Variants in CEP15 observed in about 807,000 individuals in gnomAD.
The protein encoded by CEP15 is centrosomal protein 15 kDa.
the CEP15 span, among the ~76,000 whole-genome samples, chr3:62,331,116 C>G: frequency 6.6e-6 from 1 of 151,990 alleles, no homozygotes; most frequent in Non-Finnish European, 1.5e-5. Context: ...CCTCCCCCAC[C>G]CCTATCAAAA....
chr3:62,321,897 T>C, the CEP15 span: 4 of 1,515,052 alleles, frequency 2.6e-6, no homozygotes, highest in Non-Finnish European at 3.6e-6. This position sits in a 1 kb window ranked among gnomAD's most constrained non-coding sequence, Gnocchi z 4.1. Flanking sequence ...CTTTTACTTT[T>C]TTAACTCTAT....
At chr3:62,327,317 C>T in the CEP15 span, among the ~76,000 whole-genome samples, 1 of 152,194 alleles carries the variant, frequency 6.6e-6, no homozygotes, top group Admixed American at 6.5e-5. Flanking sequence ...AAATTAATAA[C>T]ATTTTAATGA....
the CEP15 span, among the ~76,000 whole-genome samples, chr3:62,329,739 T>C: frequency 5.6e-4 from 86 of 152,304 alleles, no homozygotes; most frequent in African/African-American, 1.7e-3. Flanking sequence ...TATTTTCTGG[T>C]CTTCAAGAAA....
At chr3:62,327,016 T>C in the CEP15 span, among the ~76,000 whole-genome samples, 1 of 152,194 alleles carries the variant, frequency 6.6e-6, no homozygotes, top group Non-Finnish European at 1.5e-5. Context: ...TGGATTAGAC[T>C]CCAAATAAAA....
At chr3:62,324,431 T>G in the CEP15 span, among the ~76,000 whole-genome samples, 1 of 152,114 alleles carries the variant, frequency 6.6e-6, no homozygotes, top group Non-Finnish European at 1.5e-5. Flanking sequence ...AAGACTTGAT[T>G]GCAGAATTTT....
the CEP15 span, chr3:62,333,408 CA>C: frequency 6.2e-7 from 1 of 1,602,312 alleles, no homozygotes; most frequent in South Asian, 1.1e-5. This position sits in a 1 kb window ranked among gnomAD's most constrained non-coding sequence, Gnocchi z 4.0. Flanking sequence ...CATGCTATTT[CA>C]AAAAGCCTGT....
At chr3:62,336,203 T>C in the CEP15 span, 6 of 152,110 alleles carry the variant, frequency 3.9e-5, no homozygotes, top group African/African-American at 1.4e-4. The surrounding 1 kb of genome is among the most constrained non-coding windows in gnomAD (Gnocchi z 4.4). Context: ...ATTAAACTTA[T>C]TTTGAGATTA....
the CEP15 span, among the ~76,000 whole-genome samples, chr3:62,329,063 C>T: frequency 6.6e-6 from 1 of 151,986 alleles, no homozygotes; most frequent in Non-Finnish European, 1.5e-5. Context: ...ACAAGACATA[C>T]TCTAGGCATG....
chr3:62,321,714 T>C, the CEP15 span, among the ~76,000 whole-genome samples: 1 of 152,172 alleles, frequency 6.6e-6, no homozygotes, highest in Non-Finnish European at 1.5e-5. This position sits in a 1 kb window ranked among gnomAD's most constrained non-coding sequence, Gnocchi z 4.1. Flanking sequence ...AAGAATATGT[T>C]AATGAAAATA....
At chr3:62,322,297 C>A in the CEP15 span, 1 of 359,846 alleles carries the variant, frequency 2.8e-6, no homozygotes, top group Non-Finnish European at 5.0e-6. The surrounding 1 kb of genome is among the most constrained non-coding windows in gnomAD (Gnocchi z 5.5). Context: ...AAATCAATGA[C>A]TACAGAAGGA....
the CEP15 span, chr3:62,335,902 G>C: frequency 2.0e-5 from 3 of 151,994 alleles, no homozygotes; most frequent in Admixed American, 1.3e-4. Context: ...ATCAGAAGAA[G>C]CTACAGTTTT....
At chr3:62,328,866 C>G in the CEP15 span, among the ~76,000 whole-genome samples, 1 of 150,186 alleles carries the variant, frequency 6.7e-6, no homozygotes, top group Admixed American at 6.7e-5. Flanking sequence ...TAGGGTATAA[C>G]TGGCTACAGA....
At chr3:62,321,858 T>A in the CEP15 span, 1 of 1,213,594 alleles carries the variant, frequency 8.2e-7, no homozygotes, top group Non-Finnish European at 1.1e-6. The surrounding 1 kb of genome is among the most constrained non-coding windows in gnomAD (Gnocchi z 4.1). Flanking sequence ...AAATGAATTT[T>A]TTATATTGGT....
chr3:62,322,038 C>A, the CEP15 span: 19 of 1,605,170 alleles, frequency 1.2e-5, no homozygotes, highest in Admixed American at 1.7e-5. This position sits in a 1 kb window ranked among gnomAD's most constrained non-coding sequence, Gnocchi z 5.5. Context: ...TTAAAAGGAA[C>A]CTTAGTCTTT....
At chr3:62,328,191 C>T in the CEP15 span, among the ~76,000 whole-genome samples, 1 of 152,172 alleles carries the variant, frequency 6.6e-6, no homozygotes, top group African/African-American at 2.4e-5. Context: ...GAGCTCATAA[C>T]AGTATCTCCA....
the CEP15 span, among the ~76,000 whole-genome samples, chr3:62,328,956 T>A: frequency 6.6e-6 from 1 of 151,182 alleles, no homozygotes; most frequent in African/African-American, 2.4e-5. Context: ...CTCTATGTAG[T>A]GGGTACTGAT....
chr3:62,335,031 T>A, the CEP15 span: 1 of 152,022 alleles, frequency 6.6e-6, no homozygotes, highest in Admixed American at 6.6e-5. Flanking sequence ...AGGCTAAACA[T>A]TTGTTAGATG....
At chr3:62,333,558 T>C in the CEP15 span, 36 of 676,292 alleles carry the variant, frequency 5.3e-5, no homozygotes, top group Non-Finnish European at 7.6e-5. This position sits in a 1 kb window ranked among gnomAD's most constrained non-coding sequence, Gnocchi z 4.0. Flanking sequence ...TATCACCTAC[T>C]ACTATTTCAA....
chr3:62,334,467 C>T, the CEP15 span: 2 of 152,012 alleles, frequency 1.3e-5, no homozygotes, highest in Non-Finnish European at 1.5e-5. The surrounding 1 kb of genome is among the most constrained non-coding windows in gnomAD (Gnocchi z 4.9). Context: ...TTGGAAATAT[C>T]CTGTTGAGTG....
Sources: gnomAD v4.1 joint callset for allele counts (sites outside exome capture counted in the v4.1 genomes callset) on GRCh38, gnomAD v4.1.1 for gene constraint, Gnocchi (gnomAD v3.1) non-coding constraint, MANE v1.5 for transcripts, NCBI Gene and HGNC (gene_info 2026-07-23, HGNC 2026-07-21) for gene names.